ZNF821: variants seen among roughly 807,000 people sequenced by gnomAD.
ZNF821 encodes the protein zinc finger protein 821.
ZNF821 carries 16 observed loss-of-function variants against 44.3 expected under a neutral mutation model. That is an observed-to-expected ratio of 0.36 (90% CI 0.24 to 0.55). The LOEUF (loss-of-function observed/expected upper bound fraction) is 0.55. Among genes scored for constraint, ZNF821 ranks in the 20% least tolerant of loss-of-function variants. The pLI, the probability that ZNF821 is intolerant of heterozygous loss-of-function variation, is 0.86. For missense variants in ZNF821, 436 were observed against 547.6 expected (o/e 0.80, Z 2.03); for synonymous variants, 204 against 197.6 (o/e 1.03, Z -0.27).
intron 1 of ZNF821, chr16:71,891,299 C>T (rs569761168): frequency 8.5e-5 from 13 of 152,290 alleles, no homozygotes; most frequent in African/African-American, 4.8e-5. Context: ...ACATTTGTCC[C>T]AACAGCAAAA....
At chr16:71,894,932 A>T in exon 1 of ZNF821, 1 of 1,059,426 alleles carries the variant, frequency 9.4e-7, no homozygotes, top group Non-Finnish European at 1.4e-6. Flanking sequence ...GTGCTGAGGA[A>T]ACACTACTGA....
At chr16:71,870,253 G>A (rs1291527265) in intron 3 of ZNF821, among the ~76,000 whole-genome samples, 1 of 151,950 alleles carries the variant, frequency 6.6e-6, no homozygotes, top group African/African-American at 2.4e-5. Flanking sequence ...GGTGGTTCAT[G>A]TTAAAGTCTA....
Position 71,864,156 on chromosome 16 carries a change from C to G in ZNF821, c.399G>C (p.Leu133Phe). 6.2e-7 allele frequency: 1 copy of G among 1,614,172 alleles called. No individual in the cohort carries two copies. Among genetic ancestry groups the G allele is most frequent in the Non-Finnish European group, 8.5e-7 (1 of 1,180,010 alleles). The change falls in exon 6 of 8, where the codon TTG becomes TTC. Residue 133 changes from leucine (L) to phenylalanine (F), a missense_variant. This residue lies in a region of ZNF821 where 238 missense variants were observed against 281.4 expected (regional missense o/e 0.85). Coordinates refer to ENST00000425432, the MANE Select transcript of ZNF821 (RefSeq NM_001201552.2). ...TCCATACCTGGTACACGTGAGCAAT[C>G]AACTGCTCCCGGCTCCCGCAGTCTA... ...CQLDCGSREQ[L>F]IAHVYQHTAA...
intron 3 of ZNF821, among the ~76,000 whole-genome samples, chr16:71,879,098 T>C (rs1420241170): frequency 6.6e-6 from 1 of 152,154 alleles, no homozygotes; most frequent in Non-Finnish European, 1.5e-5. Context: ...CTCTCCCTGC[T>C]TAAAAACCTT....
At chr16:71,863,013 C>G (rs909464966) in intron 6 of ZNF821, among the ~76,000 whole-genome samples, 5 of 152,190 alleles carry the variant, frequency 3.3e-5, no homozygotes, top group Non-Finnish European at 5.9e-5. Flanking sequence ...CCTGCCTCAG[C>G]TTCCCGAGTA....
chr16:71,882,923 G>GAAACC (rs959931670), intron 2 of ZNF821, among the ~76,000 whole-genome samples: 35 of 152,106 alleles, frequency 2.3e-4, no homozygotes, highest in Admixed American at 5.9e-4. Context: ...GCCAAAACCT[G>GAAACC]AAACCAAACC....
At chr16:71,887,385 A>C (rs2036865346), upstream of ZNF821, among the ~76,000 whole-genome samples, 1 of 147,890 alleles carries the variant, frequency 6.8e-6, no homozygotes, top group African/African-American at 2.5e-5. Flanking sequence ...TCAGCCTCCC[A>C]AGCAGCTGGG....
chr16:71,895,025 C>G (rs748305966), exon 1 of ZNF821: 5 of 522,470 alleles, frequency 9.6e-6, no homozygotes, highest in Non-Finnish European at 1.7e-5. Context: ...GCTTAGAGCC[C>G]GTAGAGGGAC....
chr16:71,887,426 A>AT (rs914477491), upstream of ZNF821, among the ~76,000 whole-genome samples: 1 of 151,540 alleles, frequency 6.6e-6, no homozygotes, highest in Non-Finnish European at 1.5e-5. Context: ...CGCCCGGCTA[A>AT]TTTTTTTTGT....
chr16:71,895,252 T>TTGATTCTC (rs2036937837), exon 1 of ZNF821: 1 of 158,120 alleles, frequency 6.3e-6, no homozygotes, highest in Non-Finnish European at 1.4e-5. Context: ...TCAACAGCTG[T>TTGATTCTC]GGCTGGCCTC....
At chr16:71,869,257 T>C (rs909323229) in intron 3 of ZNF821, among the ~76,000 whole-genome samples, 1 of 152,068 alleles carries the variant, frequency 6.6e-6, no homozygotes, top group Non-Finnish European at 1.5e-5. Flanking sequence ...CTGCTGAAGA[T>C]AGAAAGGAAA....
intron 1 of ZNF821, chr16:71,893,989 A>T (rs1213765935): frequency 2.6e-5 from 4 of 152,038 alleles, no homozygotes; most frequent in African/African-American, 9.7e-5. Context: ...AATGTTGGTC[A>T]GGCTGGTCTT....
rs1407390770 is a variant in ZNF821, at chr16:71,879,897, C to T, written c.40+10G>A. 10 of 1,612,832 alleles carry T rather than the reference C, an allele frequency of 6.2e-6. No individual in the cohort carries two copies. Among genetic ancestry groups the T allele is most frequent in the Middle Eastern group, 1.6e-4 (1 of 6,082 alleles). On this transcript the variant is annotated intron_variant, in intron 3 of 7. Coordinates refer to ENST00000425432, the MANE Select transcript of ZNF821 (RefSeq NM_001201552.2). ...TTCCCAGGTTCCAGAAGACAAAGCC[C>T]GATACTCACAGTGAACTTTATTTGG...
At chr16:71,895,084 C>A in exon 1 of ZNF821, 1 of 403,834 alleles carries the variant, frequency 2.5e-6, no homozygotes, top group Admixed American at 4.3e-5. Flanking sequence ...TCGAAACCCC[C>A]TCGGCCGCTC....
At chr16:71,862,027 C>G in intron 6 of ZNF821, 85 bp from the exon 7 acceptor site, 1 of 1,491,986 alleles carries the variant, frequency 6.7e-7, no homozygotes, top group East Asian at 2.3e-5. Flanking sequence ...TGGGAAATGT[C>G]CCCTTTCTTT....
chr16:71,883,390 A>T, intron 1 of ZNF821, 117 bp from the exon 2 acceptor site: 1 of 357,910 alleles, frequency 2.8e-6, no homozygotes, highest in Non-Finnish European at 5.5e-6. Context: ...CTGCTTCTTC[A>T]AGCATGAGCC....
upstream of ZNF821, among the ~76,000 whole-genome samples, chr16:71,888,066 G>A (rs34664834): frequency 0.24 from 36,358 of 151,674 alleles, 4,558 homozygotes; most frequent in Non-Finnish European, 0.28. Flanking sequence ...TTGTAGAGAC[G>A]GGGTCTCACC....
chr16:71,881,761 G>A (rs2036441402), intron 2 of ZNF821: 1 of 152,204 alleles, frequency 6.6e-6, no homozygotes, highest in Admixed American at 6.5e-5. Flanking sequence ...GATCACTTGA[G>A]GCCAGGAGTT....
exon 1 of ZNF821, chr16:71,895,157 G>A (rs1479349193): frequency 3.8e-6 from 1 of 264,560 alleles, no homozygotes; most frequent in East Asian, 9.3e-5. Flanking sequence ...CCCGGCGTCA[G>A]AGAGGCGGTA....
Sources: allele counts gnomAD v4.1 joint callset (sites outside exome capture counted in the v4.1 genomes callset), GRCh38; gene constraint gnomAD v4.1.1; regional missense constraint gnomAD v4.1.1; transcripts MANE v1.5; gene names NCBI Gene and HGNC (gene_info 2026-07-23, HGNC 2026-07-21).